The following SAMD12 variants were observed in gnomAD, a reference collection of about 807,000 sequenced individuals.
SAMD12 encodes the protein sterile alpha motif domain-containing protein 12.
SAMD12 carries 9 observed loss-of-function variants against 15.0 expected under a neutral mutation model. That is an observed-to-expected ratio of 0.60 (90% CI 0.36 to 1.05). The LOEUF (loss-of-function observed/expected upper bound fraction) is 1.05. SAMD12 is among the 50% of genes least tolerant of loss of function. The pLI is 0.01. For synonymous variants in SAMD12, 86 were observed against 90.1 expected (o/e 0.96, Z 0.25); for missense variants, 230 against 234.2 (o/e 0.98, Z 0.12).
chr8:118,380,341 G>A (rs1819607524), intron 3 of SAMD12, among the ~76,000 whole-genome samples: 1 of 152,140 alleles, frequency 6.6e-6, no homozygotes, highest in Non-Finnish European at 1.5e-5. Flanking sequence ...TTCTAGCAGG[G>A]CTGAGAGGGA....
intron 2 of SAMD12, among the ~76,000 whole-genome samples, chr8:118,476,359 T>A (rs891565621): frequency 6.6e-6 from 1 of 152,222 alleles, no homozygotes; most frequent in Non-Finnish European, 1.5e-5. Context: ...GTGGGCAGCA[T>A]CTGGGTTTTG....
the SAMD12 span, among the ~76,000 whole-genome samples, chr8:118,146,453 A>G: frequency 6.6e-6 from 1 of 152,196 alleles, no homozygotes; most frequent in Non-Finnish European, 1.5e-5. Context: ...CACAAATACC[A>G]ACAATTTTTC....
At chr8:118,160,050 G>T in the SAMD12 span, among the ~76,000 whole-genome samples, 65,092 of 152,038 alleles carry the variant, frequency 0.43, 15,833 homozygotes, top group Non-Finnish European at 0.54. Context: ...AGACCCAAAA[G>T]AATCAAACTT....
chr8:118,320,050 A>G (rs1010490110), intron 4 of SAMD12, among the ~76,000 whole-genome samples: 1 of 152,194 alleles, frequency 6.6e-6, no homozygotes, highest in Non-Finnish European at 1.5e-5. Context: ...AAGAAACTGC[A>G]GAGTAGGTAA....
intron 4 of SAMD12, among the ~76,000 whole-genome samples, chr8:118,263,775 T>A (rs1170763081): frequency 1.3e-5 from 2 of 152,048 alleles, no homozygotes; most frequent in East Asian, 3.9e-4. Flanking sequence ...CTTGCTCACA[T>A]ATAGGCAGCT....
At chr8:118,225,764 T>A (rs2514970) in intron 4 of SAMD12, among the ~76,000 whole-genome samples, 80,731 of 152,102 alleles carry the variant, frequency 0.53, 26,044 homozygotes, top group Non-Finnish European at 0.74. Context: ...GTTCAATTCA[T>A]ATGCAGGGAC....
intron 2 of SAMD12, among the ~76,000 whole-genome samples, chr8:118,462,032 A>G (rs1823437720): frequency 6.6e-6 from 1 of 152,226 alleles, no homozygotes; most frequent in South Asian, 2.1e-4. Context: ...GACTTACTAA[A>G]TGGTAGAATA....
chr8:118,197,810 A>C, intron 4 of SAMD12: 1 of 1,281,068 alleles, frequency 7.8e-7, no homozygotes, highest in Non-Finnish European at 1.1e-6. Context: ...CAATTATCTT[A>C]TTCAAACAAA....
chr8:118,366,848 A>T (rs375008564), intron 4 of SAMD12, among the ~76,000 whole-genome samples: 2 of 80,318 alleles, frequency 2.5e-5, no homozygotes, highest in South Asian at 3.6e-4. Context: ...AAATAAAATA[A>T]AATAAAATAA....
intron 4 of SAMD12, among the ~76,000 whole-genome samples, chr8:118,340,453 T>C (rs1471821356): frequency 2.6e-5 from 4 of 152,158 alleles, no homozygotes; most frequent in Admixed American, 6.5e-5. Context: ...TATATGTATA[T>C]ATGTATATTA....
At chr8:118,578,068 C>T (rs186955339) in intron 2 of SAMD12, among the ~76,000 whole-genome samples, 2 of 152,310 alleles carry the variant, frequency 1.3e-5, no homozygotes, top group Admixed American at 6.5e-5. Flanking sequence ...CTCCTAGACT[C>T]AGTGATGCTC....
rs764739865 is a variant in SAMD12 at position 118,379,665 on chromosome 8, C to A, written c.358G>T (p.Glu120Ter). ...ALLRLTDKKLERMGIAQENLR... is the reference protein window; with the variant it reads ...ALLRLTDKKL ...TTCTCCTGGGCAATCCCCATTCGCT[C>A]GAGCTTTTTGTCAGTAAGTCTCAGC... Residue 120 changes from glutamate to a stop codon, truncating the protein, a stop_gained, in exon 4 of 4, where the codon GAG becomes TAG. Transcript: ENST00000314727. LOFTEE classifies it low-confidence loss of function (END_TRUNC). The A allele has an allele frequency of 6.2e-7, 1 of 1,613,838 alleles. No homozygotes were observed. Among genetic ancestry groups the A allele is most frequent in the Non-Finnish European group, 8.5e-7 (1 of 1,179,826 alleles).
intron 4 of SAMD12, among the ~76,000 whole-genome samples, chr8:118,268,040 C>T (rs761286335): frequency 4.6e-5 from 7 of 152,168 alleles, no homozygotes; most frequent in South Asian, 2.1e-4. Context: ...GGCAGTGAGC[C>T]GAGATCATGC....
intron 4 of SAMD12, among the ~76,000 whole-genome samples, chr8:118,286,002 T>C (rs1226276204): frequency 4.6e-5 from 7 of 151,976 alleles, no homozygotes; most frequent in Admixed American, 4.6e-4. Context: ...AAATGATGAG[T>C]TCATGTCCTT....
At chr8:118,585,760 G>A (rs1170971761) in intron 1 of SAMD12, among the ~76,000 whole-genome samples, 1 of 152,222 alleles carries the variant, frequency 6.6e-6, no homozygotes, top group Non-Finnish European at 1.5e-5. Context: ...TGCTGGAAAT[G>A]AGCCTGGGCT....
At chr8:118,383,446 G>T (rs1819775846) in intron 3 of SAMD12, among the ~76,000 whole-genome samples, 1 of 152,164 alleles carries the variant, frequency 6.6e-6, no homozygotes, top group African/African-American at 2.4e-5. Flanking sequence ...GACAAAACCT[G>T]ATAGAGCAAA....
At chr8:118,323,752 G>C (rs552651373) in intron 4 of SAMD12, among the ~76,000 whole-genome samples, 5 of 152,240 alleles carry the variant, frequency 3.3e-5, no homozygotes, top group African/African-American at 1.2e-4. Context: ...CTGGGTGACA[G>C]AGTGAGACCC....
intron 2 of SAMD12, among the ~76,000 whole-genome samples, chr8:118,549,579 G>GA (rs1435462347): frequency 4.6e-5 from 7 of 152,124 alleles, no homozygotes; most frequent in Non-Finnish European, 1.0e-4. Context: ...CAAAGATGGG[G>GA]AAAAAACAGA....
intron 4 of SAMD12, among the ~76,000 whole-genome samples, chr8:118,200,017 T>G (rs1308361298): frequency 1.3e-5 from 2 of 152,120 alleles, no homozygotes; most frequent in African/African-American, 4.8e-5. Context: ...CCCCATATTG[T>G]TCTCGTAGTA....
Sources: allele counts gnomAD v4.1 joint callset (sites outside exome capture counted in the v4.1 genomes callset), GRCh38; gene constraint gnomAD v4.1.1; transcripts MANE v1.5; gene names NCBI Gene and HGNC (gene_info 2026-07-23, HGNC 2026-07-21).